The following RAB21 variants were observed in gnomAD, a reference collection of about 807,000 sequenced individuals.
RAB21 encodes the protein RAB21, member RAS oncogene family.
RAB21 carries 13 observed loss-of-function variants against 33.1 expected under a neutral mutation model. The ratio of observed to expected loss-of-function variants is 0.39; its 90% CI spans 0.26 to 0.62. RAB21 has a LOEUF of 0.62. RAB21 is among the 20% of genes least tolerant of loss of function. RAB21 has a pLI of 0.48. For missense variants in RAB21, 234 were observed against 279.1 expected (o/e 0.84, Z 1.15); for synonymous variants, 91 against 103.7 (o/e 0.88, Z 0.74).
rs1883332991 is a variant in RAB21, at chr12:71,788,665, T to C, written c.*2992T>C. 1 of 152,196 alleles carries C rather than the reference T, an allele frequency of 6.6e-6. No individual in the cohort carries two copies. The highest frequency in any genetic ancestry group is 2.1e-4 in the South Asian group (1 of 4,836). 9.4% of individuals were successfully genotyped at this position (152,196 alleles called of 1,614,324 possible). A position where few individuals can be genotyped will look rare whatever the true frequency, so the allele number is the denominator to read the frequency against. On this transcript the variant is annotated 3_prime_UTR_variant, in exon 7 of 7. Coordinates refer to ENST00000261263, the MANE Select transcript of RAB21 (RefSeq NM_014999.4). ...TGTGTATTAAAAGCAGTAGGTAGGTTGTGCCAGTATTTTTTCAGCCAGTAA... is the reference window on the plus strand; with the variant it reads ...TGTGTATTAAAAGCAGTAGGTAGGTCGTGCCAGTATTTTTTCAGCCAGTAA...
intron 6 of RAB21, among the ~76,000 whole-genome samples, chr12:71,784,520 T>C (rs564371353): frequency 1.3e-5 from 2 of 152,292 alleles, no homozygotes; most frequent in East Asian, 3.9e-4. Context: ...GGTTGATTTT[T>C]TTTTTTTACA....
At chr12:71,774,851 A>T (rs1452631565) in intron 4 of RAB21, among the ~76,000 whole-genome samples, 1 of 151,316 alleles carries the variant, frequency 6.6e-6, no homozygotes, top group Non-Finnish European at 1.5e-5. Flanking sequence ...ATTGGAAACT[A>T]AACAGTTGGG....
Position 71,755,307 on chromosome 12 carries a change from G to C in RAB21, c.159+19G>C, listed in dbSNP as rs199635655. 9 of 1,496,472 alleles carry C rather than the reference G, an allele frequency of 6.0e-6. No homozygotes were observed. Among genetic ancestry groups the C allele is most frequent in the Non-Finnish European group, 8.0e-6 (9 of 1,125,840 alleles). The allele number at this position is 1,496,472 out of a possible 1,614,324, so 92.7% of individuals were successfully genotyped here. A position where few individuals can be genotyped will look rare whatever the true frequency, so the allele number is the denominator to read the frequency against. ...TCTGCAGGTGCGGACCTCGGGGAGC[G>C]GGAGGGGGCGCCTCAGGGCCCCTAC... On this transcript the variant is annotated intron_variant, in intron 1 of 6. Transcript: ENST00000261263.
chr12:71,781,224 C>T (rs929694266), intron 4 of RAB21, among the ~76,000 whole-genome samples: 2 of 152,112 alleles, frequency 1.3e-5, no homozygotes, highest in Non-Finnish European at 2.9e-5. Flanking sequence ...AATCCTAGCA[C>T]TTTGGGAGGC....
intron 6 of RAB21, 108 bp from the exon 7 acceptor site, chr12:71,785,423 T>A (rs1883269610): frequency 7.9e-7 from 1 of 1,270,492 alleles, no homozygotes; most frequent in African/African-American, 1.5e-5. Flanking sequence ...TTTAGTTTCT[T>A]TGTTGGTCGA....
intron 1 of RAB21, among the ~76,000 whole-genome samples, chr12:71,764,443 C>T (rs2137642497): frequency 6.6e-6 from 1 of 152,144 alleles, no homozygotes; most frequent in South Asian, 2.1e-4. Context: ...TGATTGTTTG[C>T]TGCTATCTTT....
At chr12:71,764,500 G>GT (rs1190778623) in intron 1 of RAB21, among the ~76,000 whole-genome samples, 2 of 151,994 alleles carry the variant, frequency 1.3e-5, no homozygotes, top group Non-Finnish European at 2.9e-5. Context: ...GGGTATAGGT[G>GT]TTTTTTTGCT....
At chr12:71,777,233 C>T (rs12425944) in intron 4 of RAB21, among the ~76,000 whole-genome samples, 29,541 of 152,052 alleles carry the variant, frequency 0.19, 3,271 homozygotes, top group East Asian at 0.37. Flanking sequence ...TCCCCACCCC[C>T]GTCACTATCC....
At chr12:71,765,143 G>A (rs1882940485) in intron 1 of RAB21, among the ~76,000 whole-genome samples, 1 of 152,032 alleles carries the variant, frequency 6.6e-6, no homozygotes, top group Admixed American at 6.6e-5. Context: ...GACTAATTAT[G>A]GTCATTCTTG....
chr12:71,794,884 CAG>C lies in RAB21; in HGVS notation c.*9213_*9214del, dbSNP rs1407751646. Reference sequence around the variant, plus strand: ...CCCAGGAGACGGAGGTTGCAGTGAGCAGACCTGGTGCCACTGGACTCCAGCCT... The same window carrying C: ...CCCAGGAGACGGAGGTTGCAGTGAGCACCTGGTGCCACTGGACTCCAGCCT... On this transcript the variant is annotated 3_prime_UTR_variant, in exon 7 of 7. Transcript: ENST00000261263. 2 of 150,952 alleles carry C rather than the reference CAG, an allele frequency of 1.3e-5. No individual in the cohort carries two copies. The highest frequency in any genetic ancestry group is 4.9e-5 in the African/African-American group (2 of 41,128). The allele number at this position is 150,952 out of a possible 1,614,324, so 9.4% of individuals were successfully genotyped here.
Position 71,788,715 on chromosome 12 carries a change from T to G in RAB21, c.*3042T>G, listed in dbSNP as rs1883333761. 1 of 152,192 alleles carries G rather than the reference T, an allele frequency of 6.6e-6. No individual in the cohort carries two copies. The highest frequency in any genetic ancestry group is 2.4e-5 in the African/African-American group (1 of 41,454). The allele number at this position is 152,192 out of a possible 1,614,324, so 9.4% of individuals were successfully genotyped here. On this transcript the variant is annotated 3_prime_UTR_variant, in exon 7 of 7. Coordinates refer to ENST00000261263, the MANE Select transcript of RAB21 (RefSeq NM_014999.4). ...AGCATATACAGTTAACTTATATAAT[T>G]AAAAATTGGTTTAAGATAGTGATTA...
At chr12:71,769,632 A>G (rs1222691130) in intron 1 of RAB21, among the ~76,000 whole-genome samples, 168 bp from the exon 2 acceptor site, 1 of 152,162 alleles carries the variant, frequency 6.6e-6, no homozygotes, top group African/African-American at 2.4e-5. Flanking sequence ...AAAAATGTAA[A>G]TAATGTCTTA....
Position 71,782,103 on chromosome 12 carries a change from C to T in RAB21, c.446+18C>T. On this transcript the variant is annotated intron_variant, in intron 5 of 6. Coordinates refer to ENST00000261263, the MANE Select transcript of RAB21 (RefSeq NM_014999.4). ...GCAGAGTCGTAAGTACTGTGACCCT[C>T]CCATTCCCCATCACTCCCTAGTAGA... The T allele has an allele frequency of 6.3e-7, 1 of 1,592,458 alleles. No homozygotes were observed. The highest frequency in any genetic ancestry group is 8.6e-7 in the Non-Finnish European group (1 of 1,161,874).
chr12:71,769,138 T>A (rs1179231872), intron 1 of RAB21, among the ~76,000 whole-genome samples: 1 of 152,140 alleles, frequency 6.6e-6, no homozygotes, highest in Non-Finnish European at 1.5e-5. Context: ...AAAGGGGAGA[T>A]CATTACCTTC....
At chr12:71,763,993 A>G (rs1048078010) in intron 1 of RAB21, among the ~76,000 whole-genome samples, 2 of 152,186 alleles carry the variant, frequency 1.3e-5, no homozygotes, top group African/African-American at 4.8e-5. Flanking sequence ...AAGGATAAAT[A>G]TCTACTTCAC....
intron 1 of RAB21, among the ~76,000 whole-genome samples, chr12:71,756,787 C>A (rs1397791865): frequency 6.6e-6 from 1 of 152,326 alleles, no homozygotes; most frequent in East Asian, 1.9e-4. Context: ...GTAACAATAG[C>A]TAACATTTAG....
At chr12:71,785,490 A>G (rs777800779) in intron 6 of RAB21, 41 bp from the exon 7 acceptor site, 6 of 1,602,678 alleles carry the variant, frequency 3.7e-6, no homozygotes, top group Admixed American at 3.4e-5. Context: ...GAAAACACAA[A>G]TATTGTGGTC....
chr12:71,757,953 A>G (rs75361165), intron 1 of RAB21, among the ~76,000 whole-genome samples: 6,478 of 150,108 alleles, frequency 0.043, 327 homozygotes, highest in East Asian at 0.13. Context: ...TTTTTTTAAC[A>G]TCTTGGAGGT....
In RAB21 at chr12:71,782,598, T is replaced by G; in HGVS notation, c.475T>G (p.Tyr159Asp). 1 of 1,603,084 alleles carries G rather than the reference T, an allele frequency of 6.2e-7. No individual in the cohort carries two copies. Among genetic ancestry groups the G allele is most frequent in the Non-Finnish European group, 8.5e-7 (1 of 1,173,390 alleles). The change falls in exon 6 of 7, where the codon TAT (tyrosine) becomes GAT (aspartate). Residue 159 changes from tyrosine (Y) to aspartate (D), a missense_variant. Tyr to Asp is a radical substitution (Grantham distance 160). Transcript: ENST00000261263. ...SYAESVGAKH[Y>D]HTSAKQNKGI... ...TGCAGAATCTGTGGGAGCAAAACATTATCATACTTCAGCCAAACAGAACAA... is the reference window on the plus strand; with the variant it reads ...TGCAGAATCTGTGGGAGCAAAACATGATCATACTTCAGCCAAACAGAACAA...
Sources: allele counts gnomAD v4.1 joint callset (sites outside exome capture counted in the v4.1 genomes callset), GRCh38; gene constraint gnomAD v4.1.1; transcripts MANE v1.5; gene names NCBI Gene and HGNC (gene_info 2026-07-23, HGNC 2026-07-21).